The following BRAF variants were observed in gnomAD, a reference collection of about 807,000 sequenced individuals.
The protein encoded by BRAF is B-Raf proto-oncogene, serine/threonine kinase, also known as serine/threonine-protein kinase B-raf.
BRAF carries 16 observed loss-of-function variants against 104.6 expected under a neutral mutation model. That is an observed-to-expected ratio of 0.15 (90% CI 0.10 to 0.23). BRAF has a LOEUF of 0.23. Among genes scored for constraint, BRAF ranks in the 10% least tolerant of loss-of-function variants. The pLI is 1.00. For synonymous variants in BRAF, 310 were observed against 341.6 expected (o/e 0.91, Z 1.02); for missense variants, 541 against 937.3 (o/e 0.58, Z 5.52).
At chr7:140,856,990 T>C (rs1370356286) in intron 1 of BRAF, among the ~76,000 whole-genome samples, 1 of 151,900 alleles carries the variant, frequency 6.6e-6, no homozygotes, top group Non-Finnish European at 1.5e-5. Context: ...GAGGGCTGAA[T>C]AGTGGCCCCC....
At position 140,747,471 on chromosome 7, in the gene BRAF, GAGA is replaced by G. The variant is rs1011442919; in HGVS notation, c.2112+1813_2112+1815del. 2.1e-5 allele frequency: 25 copies of G among 1,198,956 alleles called. No individual in the cohort carries two copies. The Admixed American group carries it at 4.4e-4, about 21-fold the overall frequency. The allele number at this position is 1,198,956 out of a possible 1,614,324, so 74.3% of individuals were successfully genotyped here. ...ACCTAAAATGCCAAGAAGTGGATGA[GAGA>G]AGAACTCTGGGATGCTTTTATCTGT... On this transcript the variant is annotated intron_variant, in intron 17 of 19. Coordinates refer to ENST00000644969, the MANE Select transcript of BRAF (RefSeq NM_001374258.1).
chr7:140,809,487 C>A (rs1733832), intron 3 of BRAF, among the ~76,000 whole-genome samples: 1 of 151,988 alleles, frequency 6.6e-6, no homozygotes, highest in African/African-American at 2.4e-5. Flanking sequence ...TTGTTTGGTG[C>A]CCCTGTTTCC....
intron 8 of BRAF, among the ~76,000 whole-genome samples, chr7:140,793,709 T>C (rs1802223055): frequency 6.6e-6 from 1 of 152,172 alleles, no homozygotes; most frequent in Non-Finnish European, 1.5e-5. Flanking sequence ...CACTGCAGCC[T>C]TGACCTCCTG....
intron 5 of BRAF, among the ~76,000 whole-genome samples, chr7:140,804,417 G>T (rs1311424068): frequency 6.7e-6 from 1 of 148,718 alleles, no homozygotes; most frequent in South Asian, 2.1e-4. Context: ...GGGGGGGGTG[G>T]TTAATACTTT....
At chr7:140,788,256 G>T (rs1010771587) in intron 8 of BRAF, among the ~76,000 whole-genome samples, 4 of 152,046 alleles carry the variant, frequency 2.6e-5, no homozygotes, top group Admixed American at 2.6e-4. Flanking sequence ...TTCTACTTCT[G>T]GGAACTTTTC....
chr7:140,794,836 T>C (rs1190282697), intron 7 of BRAF, among the ~76,000 whole-genome samples: 1 of 152,224 alleles, frequency 6.6e-6, no homozygotes, highest in Admixed American at 6.5e-5. Context: ...TTTTCTAACA[T>C]TGTCTTGACA....
intron 18 of BRAF, 91 bp downstream of exon 17, chr7:140,739,721 T>G: frequency 1.3e-5 from 19 of 1,465,510 alleles, no homozygotes; most frequent in Non-Finnish European, 1.7e-5. Flanking sequence ...TCCAAACTCA[T>G]GAAATACACA....
At chr7:140,915,460 C>A (rs966071062) in intron 1 of BRAF, among the ~76,000 whole-genome samples, 10 of 146,752 alleles carry the variant, frequency 6.8e-5, no homozygotes, top group African/African-American at 1.5e-4. Context: ...CACGGAGTTT[C>A]CCTCACTCTT....
rs556425489 is a variant in BRAF, at chr7:140,763,258, C to A, written c.1815-9025G>T. On this transcript the variant is annotated intron_variant, in intron 14 of 19. Coordinates refer to ENST00000644969, the MANE Select transcript of BRAF (RefSeq NM_001374258.1). The stretch of plus-strand genomic sequence containing the variant: ...GGGGCTGACCCCCCAACCTCCCTCC[C>A]GGACGGGGTGGCTGGCCGGGCGGGG... Among the ~76,000 whole-genome samples, 166 of 151,422 alleles carry A rather than the reference C, an allele frequency of 1.1e-3. 1 individual carries two copies. The highest frequency in any genetic ancestry group is 2.0e-3 in the Non-Finnish European group (136 of 67,768).
intron 3 of BRAF, chr7:140,822,274 T>C (rs1161467245): frequency 6.6e-6 from 1 of 152,030 alleles, no homozygotes; most frequent in Non-Finnish European, 1.5e-5. Context: ...AACAAACAGA[T>C]TTATCTAGGT....
At chr7:140,752,878 G>C (rs761422747) in intron 16 of BRAF, among the ~76,000 whole-genome samples, 2 of 151,602 alleles carry the variant, frequency 1.3e-5, no homozygotes, top group African/African-American at 2.4e-5. Flanking sequence ...TTTCAACAGG[G>C]TACACAGAAC....
intron 1 of BRAF, among the ~76,000 whole-genome samples, chr7:140,908,989 CTTTTT>C (rs1224922004): frequency 8.3e-6 from 1 of 120,186 alleles, no homozygotes; most frequent in African/African-American, 2.9e-5. Flanking sequence ...TCTACGTTTT[CTTTTT>C]TTTTTTTTTT....
chr7:140,821,913 A>C (rs935278320), intron 3 of BRAF, among the ~76,000 whole-genome samples: 2 of 152,186 alleles, frequency 1.3e-5, no homozygotes, highest in African/African-American at 2.4e-5. Context: ...AAGCAAATTA[A>C]CACAGGAAGA....
At chr7:140,908,343 T>C (rs1298831879) in intron 1 of BRAF, among the ~76,000 whole-genome samples, 1 of 152,230 alleles carries the variant, frequency 6.6e-6, no homozygotes, top group East Asian at 1.9e-4. Flanking sequence ...TTTTGCTTGC[T>C]AATTTTTTTA....
chr7:140,777,115 A>G, intron 13 of BRAF, 27 bp from the exon 13 acceptor site: 3 of 1,609,038 alleles, frequency 1.9e-6, no homozygotes, highest in Non-Finnish European at 2.6e-6. Flanking sequence ...GACAGTAAAC[A>G]TTAAATGTCG....
Position 140,783,097 on chromosome 7 carries a change from A to G in BRAF, c.1358T>C (p.Val453Ala). Residue 453 changes from valine to alanine, a missense_variant, in exon 11 of 20, where the codon GTG becomes GCG. Val to Ala is a moderately conservative substitution (Grantham distance 64). Coordinates refer to ENST00000644969, the MANE Select transcript of BRAF (RefSeq NM_001374258.1). Reference protein sequence around the residue: ...PASLPGSLTNVKALQKSPGPQ... With the variant: ...PASLPGSLTNAKALQKSPGPQ... ...TCCTGGAGATTTCTGTAAGGCTTTC[A>G]CGTTAGTTAGTGAGCCAGGTAATGA... 6.2e-7 allele frequency: 1 copy of G among 1,614,034 alleles called. No individual in the cohort carries two copies. Among genetic ancestry groups the G allele is most frequent in the Non-Finnish European group, 8.5e-7 (1 of 1,179,992 alleles).
chr7:140,832,540 A>G (rs1469959652), intron 3 of BRAF, among the ~76,000 whole-genome samples: 2 of 152,198 alleles, frequency 1.3e-5, no homozygotes, highest in Admixed American at 1.3e-4. Flanking sequence ...GAGAATGGCA[A>G]AATAACGTTC....
At chr7:140,713,910 C>T in the BRAF span, among the ~76,000 whole-genome samples, 1 of 152,292 alleles carries the variant, frequency 6.6e-6, no homozygotes, top group South Asian at 2.1e-4. Context: ...GCAGCGGTGG[C>T]TGCAGAATAG....
chr7:140,834,406 A>G (rs1429083145), intron 3 of BRAF: 2 of 749,630 alleles, frequency 2.7e-6, no homozygotes, highest in African/African-American at 3.5e-5. Flanking sequence ...GTCAAATCCA[A>G]CACTAGAGAC....
Sources: allele counts gnomAD v4.1 joint callset (sites outside exome capture counted in the v4.1 genomes callset), GRCh38; gene constraint gnomAD v4.1.1; transcripts MANE v1.5; gene names NCBI Gene and HGNC (gene_info 2026-07-23, HGNC 2026-07-21).